NEFH: variants seen among roughly 807,000 people sequenced by gnomAD.
The protein encoded by NEFH is neurofilament heavy chain.
In NEFH, 58 loss-of-function variants were observed where a neutral mutation model predicts 56.6. The observed-to-expected ratio is 1.03, with a 90% CI of 0.83 to 1.28. The LOEUF is 1.28. Among genes scored for constraint, NEFH ranks in the 50% most tolerant of loss-of-function variants. The probability of loss-of-function intolerance (pLI) is 0.00; values close to 1 mark genes in which losing one functional copy is unlikely to be tolerated. For missense variants in NEFH, 1,221 were observed against 1,307.6 expected (o/e 0.93, Z 1.02); for synonymous variants, 542 against 545.8 (o/e 0.99, Z 0.10).
intron 2 of NEFH, among the ~76,000 whole-genome samples, chr22:29,484,832 G>GTT (rs144362708): frequency 2.1e-5 from 3 of 144,372 alleles, no homozygotes; most frequent in Non-Finnish European, 3.1e-5. Context: ...CTCCCACTGG[G>GTT]TTTTTTTTTT....
chr22:29,488,259 T>A (rs2063055263), intron 3 of NEFH, among the ~76,000 whole-genome samples: 1 of 151,880 alleles, frequency 6.6e-6, no homozygotes, highest in African/African-American at 2.4e-5. Context: ...AGCTACTCAG[T>A]AGGCTGAGAC....
At chr22:29,483,328 C>G (rs763753346) in intron 1 of NEFH, 47 bp from the exon 2 acceptor site, 5 of 1,557,034 alleles carry the variant, frequency 3.2e-6, no homozygotes, top group Non-Finnish European at 4.4e-6. Context: ...GCATTAGAAC[C>G]CAGTCCAGGT....
At position 29,491,017 on chromosome 22, in the gene NEFH, A is replaced by C; in HGVS notation, c.*314A>C. The C allele has an allele frequency of 2.2e-6, 1 of 453,154 alleles. No individual in the cohort carries two copies. The highest frequency in any genetic ancestry group is 2.1e-5 in the South Asian group (1 of 47,730). 28.1% of individuals were successfully genotyped at this position (453,154 alleles called of 1,614,324 possible). ...AAACTGCCCCCCTCCTTTCCAAATA[A>C]GTGCATTTATTGCCTCTATGTGCAA... On this transcript the variant is annotated 3_prime_UTR_variant, in exon 4 of 4. Transcript: ENST00000310624.
In NEFH at chr22:29,480,417, G is replaced by A. The variant is rs748378831; in HGVS notation, c.155G>A (p.Arg52Gln). Residue 52 changes from arginine to glutamine, a missense_variant, in exon 1 of 4, where the codon CGG becomes CAG. By Grantham distance (43) the Arg-to-Gln change is conservative. Around this residue, in one of 4 missense-constraint regions of NEFH, gnomAD observed 640 missense variants for 555.5 expected, o/e 1.15. Transcript: ENST00000310624. The part of the protein sequence containing the change: ...GSSSGFHSWT[R>Q]TSVSSVSASP... ...TCCAGCGGCTTCCACTCGTGGACAC[G>A]GACGTCCGTGAGCTCCGTGTCCGCC... 2.6e-6 allele frequency: 4 copies of A among 1,532,930 alleles called. No individual in the cohort carries two copies. Among genetic ancestry groups the A allele is most frequent in the East Asian group, 2.4e-5 (1 of 40,988 alleles). The allele number at this position is 1,532,930 out of a possible 1,614,324, so 95.0% of individuals were successfully genotyped here. A position where few individuals can be genotyped will look rare whatever the true frequency, so the allele number is the denominator to read the frequency against.
At chr22:29,487,853 G>T (rs563602777) in intron 3 of NEFH, among the ~76,000 whole-genome samples, 3 of 152,176 alleles carry the variant, frequency 2.0e-5, no homozygotes, top group Non-Finnish European at 2.9e-5. Flanking sequence ...CTGACGTAGG[G>T]ACTCTAATGA....
intron 3 of NEFH, among the ~76,000 whole-genome samples, chr22:29,487,095 C>G (rs1362782189): frequency 6.6e-6 from 1 of 152,098 alleles, no homozygotes; most frequent in African/African-American, 2.4e-5. Flanking sequence ...ATCCAGGAAG[C>G]ACAGGTACCA....
Position 29,489,655 on chromosome 22 carries a change from C to T in NEFH, c.2015C>T (p.Ala672Val). 7.1e-7 allele frequency: 1 copy of T among 1,409,056 alleles called. No individual in the cohort carries two copies. The highest frequency in any genetic ancestry group is 9.3e-7 in the Non-Finnish European group (1 of 1,069,720). The allele number at this position is 1,409,056 out of a possible 1,614,324, so 87.3% of individuals were successfully genotyped here. A position where few individuals can be genotyped will look rare whatever the true frequency, so the allele number is the denominator to read the frequency against. Reference sequence around the variant, plus strand: ...GAGAAGGCCAAGTCCCCAGTGAAGGCAGAAGCAAAGTCCCCTGAGAAGGCC... The same window carrying T: ...GAGAAGGCCAAGTCCCCAGTGAAGGTAGAAGCAAAGTCCCCTGAGAAGGCC... ...SPEKAKSPVK[A>V]EAKSPEKAKS... The change falls in exon 4 of 4, where the codon GCA (alanine) becomes GTA (valine). Residue 672 changes from alanine (A) to valine (V), a missense_variant. By Grantham distance (64) the Ala-to-Val change is moderately conservative. Coordinates refer to ENST00000310624, the MANE Select transcript of NEFH (RefSeq NM_021076.4).
intron 2 of NEFH, among the ~76,000 whole-genome samples, 161 bp from the exon 3 acceptor site, chr22:29,485,562 G>A (rs761063810): frequency 6.6e-5 from 10 of 152,334 alleles, no homozygotes; most frequent in Non-Finnish European, 1.2e-4. Flanking sequence ...ATTGTTCCAC[G>A]TCCACTAATG....
rs112556484 is a variant in NEFH at position 29,483,476 on chromosome 22, A to G, written c.985A>G (p.Thr329Ala). ...GTACCGGCGTCAGCTGCAGGCCAGG[A>G]CCACAGAGCTGGAGGCACTGAAAAG... ...TEYRRQLQAR[T>A]TELEALKSTK... The change falls in exon 2 of 4, where the codon ACC (threonine) becomes GCC (alanine). Residue 329 changes from threonine to alanine, a missense_variant. By Grantham distance (58) the Thr-to-Ala change is moderately conservative (BLOSUM62 0). Coordinates refer to ENST00000310624, the MANE Select transcript of NEFH (RefSeq NM_021076.4). 3.7e-6 allele frequency: 6 copies of G among 1,614,098 alleles called. No individual in the cohort carries two copies. In the African/African-American group the frequency reaches 5.3e-5, roughly 14 times the overall value.
intron 3 of NEFH, among the ~76,000 whole-genome samples, chr22:29,487,104 C>T (rs2063049039): frequency 6.6e-6 from 1 of 151,698 alleles, no homozygotes; most frequent in Admixed American, 6.6e-5. Flanking sequence ...GCACAGGTAC[C>T]ACTGGGCTGC....
chr22:29,490,532 G>A lies in NEFH; in HGVS notation c.2892G>A (p.Lys964=). The part of the protein sequence containing the change: ...KKDTKEEKAK[K]PEEKPKTEAK... ...ACACCAAGGAGGAGAAGGCCAAGAAGCCTGAGGAGAAACCCAAGACAGAGG... is the reference window on the plus strand; with the variant it reads ...ACACCAAGGAGGAGAAGGCCAAGAAACCTGAGGAGAAACCCAAGACAGAGG... The change falls in exon 4 of 4, where the codon AAG becomes AAA. Residue 964 remains lysine (K), a synonymous_variant. Coordinates refer to ENST00000310624, the MANE Select transcript of NEFH (RefSeq NM_021076.4). The A allele has an allele frequency of 6.2e-7, 1 of 1,604,928 alleles. No homozygotes were observed. Among genetic ancestry groups the A allele is most frequent in the South Asian group, 1.1e-5 (1 of 88,710 alleles).
chr22:29,490,573 A>G lies in NEFH; in HGVS notation c.2933A>G (p.Asp978Gly). Residue 978 changes from aspartate to glycine, a missense_variant, in exon 4 of 4, where the codon GAT becomes GGT. Physicochemically the swap from Asp to Gly is moderately conservative, Grantham distance 94. This residue lies in a region of NEFH where 301 missense variants were observed against 346.6 expected (regional missense o/e 0.87). Coordinates refer to ENST00000310624, the MANE Select transcript of NEFH (RefSeq NM_021076.4). ...AAGACAGAGGCCAAAGCCAAGGAAG[A>G]TGACAAGACCCTCTCAAAAGAGCCT... ...KPKTEAKAKE[D>G]DKTLSKEPSK... is the part of the protein sequence containing the mutation. 6.2e-7 allele frequency: 1 copy of G among 1,613,844 alleles called. No homozygotes were observed. Among genetic ancestry groups the G allele is most frequent in the South Asian group, 1.1e-5 (1 of 91,040 alleles).
In NEFH at chr22:29,480,752, C is replaced by T; in HGVS notation, c.490C>T (p.Arg164Cys). Residue 164 changes from arginine (R) to cysteine (C), a missense_variant, in exon 1 of 4, where the codon CGC becomes TGC. By Grantham distance (180) the Arg-to-Cys change is radical. Transcript: ENST00000310624. ...RGAVLRLGAA[R>C]GQLRLEQEHL... ...CGCGGTGCTGCGCCTGGGCGCGGCGCGCGGTCAGCTACGCCTGGAGCAGGA... is the reference window on the plus strand; with the variant it reads ...CGCGGTGCTGCGCCTGGGCGCGGCGTGCGGTCAGCTACGCCTGGAGCAGGA... 2.8e-6 allele frequency: 4 copies of T among 1,448,636 alleles called. No homozygotes were observed. The highest frequency in any genetic ancestry group is 3.6e-6 in the Non-Finnish European group (4 of 1,112,132). 89.7% of individuals were successfully genotyped at this position (1,448,636 alleles called of 1,614,324 possible). A position where few individuals can be genotyped will look rare whatever the true frequency, so the allele number is the denominator to read the frequency against.
chr22:29,490,429 A>G lies in NEFH; in HGVS notation c.2789A>G (p.Lys930Arg). ...CCCAAAGAAAAGACAGAGGTAGCCA[A>G]GAAGGAACCAGATGATGCCAAGGCC... Reference protein sequence around the residue: ...AKPKEKTEVAKKEPDDAKAKE... With the variant: ...AKPKEKTEVARKEPDDAKAKE... Residue 930 changes from lysine to arginine, a missense_variant, in exon 4 of 4, where the codon AAG becomes AGG. Around this residue, in one of 4 missense-constraint regions of NEFH, gnomAD observed 301 missense variants for 346.6 expected, o/e 0.87. Transcript: ENST00000310624. 6.2e-7 allele frequency: 1 copy of G among 1,607,362 alleles called. No homozygotes were observed. The highest frequency in any genetic ancestry group is 8.5e-7 in the Non-Finnish European group (1 of 1,178,516).
chr22:29,489,924 A>G lies in NEFH; in HGVS notation c.2284A>G (p.Lys762Glu). 1.9e-6 allele frequency: 3 copies of G among 1,613,334 alleles called. No homozygotes were observed. The highest frequency in any genetic ancestry group is 2.5e-6 in the Non-Finnish European group (3 of 1,179,828). ...AGAGAAGGCCAAGACTCTTGATGTG[A>G]AGTCTCCAGAAGCCAAGACTCCAGC... Reference protein sequence around the residue: ...SPEKAKTLDVKSPEAKTPAKE... With the variant: ...SPEKAKTLDVESPEAKTPAKE... Residue 762 changes from lysine (K) to glutamate (E), a missense_variant, in exon 4 of 4, where the codon AAG (lysine) becomes GAG (glutamate). Lys to Glu is a moderately conservative substitution (Grantham distance 56, BLOSUM62 1). Transcript: ENST00000310624.
chr22:29,488,805 T>A, intron 3 of NEFH, 44 bp from the exon 4 acceptor site: 1 of 1,592,584 alleles, frequency 6.3e-7, no homozygotes, highest in Non-Finnish European at 8.6e-7. Flanking sequence ...AATAGTGAAT[T>A]TGCCCTGAGT....
At chr22:29,484,471 C>G (rs1021366183) in intron 2 of NEFH, among the ~76,000 whole-genome samples, 1 of 152,006 alleles carries the variant, frequency 6.6e-6, no homozygotes, top group Non-Finnish European at 1.5e-5. Flanking sequence ...GAAACCCTGT[C>G]TCTACTAAAA....
chr22:29,490,807 GA>G lies in NEFH; in HGVS notation c.*106del, dbSNP rs748195897. On this transcript the variant is annotated 3_prime_UTR_variant, in exon 4 of 4. Coordinates refer to ENST00000310624, the MANE Select transcript of NEFH (RefSeq NM_021076.4). ...TTTCACTTTTTCTGTCTTTATGTAA[GA>G]AGAAACTGCTTAGATGACGGGGCCT... 2.8e-4 allele frequency: 431 copies of G among 1,556,804 alleles called. No homozygotes were observed. Among genetic ancestry groups the G allele is most frequent in the Non-Finnish European group, 3.6e-4 (412 of 1,153,220 alleles).
In NEFH at chr22:29,480,993, A is replaced by G; in HGVS notation, c.731A>G (p.Gln244Arg). Residue 244 changes from glutamine to arginine, a missense_variant, in exon 1 of 4, where the codon CAG becomes CGG. This residue lies in a region of NEFH where 640 missense variants were observed against 555.5 expected (regional missense o/e 1.15). Transcript: ENST00000310624. ...HQEEVGELLGQIQGSGAAQAQ... is the reference protein window; with the variant it reads ...HQEEVGELLGRIQGSGAAQAQ... ...GAAGAGGTGGGCGAGCTGCTCGGCC[A>G]GATCCAGGGCTCCGGCGCCGCGCAG... 1 of 1,532,032 alleles carries G rather than the reference A, an allele frequency of 6.5e-7. No homozygotes were observed. Among genetic ancestry groups the G allele is most frequent in the Non-Finnish European group, 8.7e-7 (1 of 1,145,596 alleles). 94.9% of individuals were successfully genotyped at this position (1,532,032 alleles called of 1,614,324 possible). A position where few individuals can be genotyped will look rare whatever the true frequency, so the allele number is the denominator to read the frequency against.
Sources: allele counts gnomAD v4.1 joint callset (sites outside exome capture counted in the v4.1 genomes callset), GRCh38; gene constraint gnomAD v4.1.1; regional missense constraint gnomAD v4.1.1; transcripts MANE v1.5; gene names NCBI Gene and HGNC (gene_info 2026-07-23, HGNC 2026-07-21).